The following DOCK5 variants were observed in gnomAD, a reference collection of about 807,000 sequenced individuals.
The protein encoded by DOCK5 is dedicator of cytokinesis protein 5.
DOCK5 carries 142 observed loss-of-function variants against 251.8 expected under a neutral mutation model. The observed-to-expected ratio is 0.56, with a 90% CI of 0.49 to 0.65. The LOEUF is 0.65. Ranked by LOEUF, DOCK5 falls within the 30% of genes least tolerant of loss-of-function variation. DOCK5 has a pLI of 0.00. For missense variants in DOCK5, 2,111 were observed against 2,312.3 expected (o/e 0.91, Z 1.79); for synonymous variants, 842 against 835.5 (o/e 1.01, Z -0.13).
rs1404904749 is a variant in DOCK5 at position 25,368,597 on chromosome 8, T to C, written c.3310T>C (p.Ser1104Pro). The C allele has an allele frequency of 1.2e-6, 2 of 1,611,522 alleles. No individual in the cohort carries two copies. The highest frequency in any genetic ancestry group is 1.7e-6 in the Non-Finnish European group (2 of 1,179,216). Residue 1104 changes from serine to proline, a missense_variant, in exon 33 of 52, where the codon TCC becomes CCC. Physicochemically the swap from Ser to Pro is moderately conservative, Grantham distance 74 (BLOSUM62 -1). This residue lies in a region of DOCK5 where 1,717 missense variants were observed against 1,892.4 expected (regional missense o/e 0.91). Transcript: ENST00000276440. The stretch of plus-strand genomic sequence containing the variant: ...TCCCCACAAAATCAAATTCATCCCA[T>C]CCATGGTGGGTCCCATTCTGGAGGT... ...LGPHKIKFIP[S>P]MVGPILEVTL... is the part of the protein sequence containing the mutation.
chr8:25,363,374 G>A (rs759609665), intron 29 of DOCK5, among the ~76,000 whole-genome samples: 98 of 152,278 alleles, frequency 6.4e-4, no homozygotes, highest in Non-Finnish European at 1.1e-3. Context: ...TCTCTTCAGT[G>A]CTCTCATGGT....
At chr8:25,320,232 G>A (rs998692013) in intron 15 of DOCK5, among the ~76,000 whole-genome samples, 12 of 152,032 alleles carry the variant, frequency 7.9e-5, no homozygotes, top group African/African-American at 2.4e-4. Flanking sequence ...TCTGAATCCC[G>A]GGCTCCATCA....
intron 6 of DOCK5, among the ~76,000 whole-genome samples, chr8:25,292,376 T>G (rs1217461629): frequency 2.0e-5 from 3 of 152,146 alleles, no homozygotes; most frequent in Admixed American, 6.6e-5. Flanking sequence ...GTTGGATCTC[T>G]GATCCCATGG....
intron 20 of DOCK5, 78 bp downstream of exon 20, chr8:25,332,770 G>A: frequency 9.6e-7 from 1 of 1,045,962 alleles, no homozygotes; most frequent in Non-Finnish European, 1.4e-6. Flanking sequence ...ATAAGTGATT[G>A]TGTGAATATC....
At chr8:25,380,942 G>C (rs965034445) in intron 39 of DOCK5, among the ~76,000 whole-genome samples, 3 of 151,600 alleles carry the variant, frequency 2.0e-5, no homozygotes, top group African/African-American at 7.3e-5. Context: ...GCCCAGTGGA[G>C]GAGGCAGCCA....
chr8:25,276,887 C>G (rs1016431094), intron 4 of DOCK5: 1 of 152,158 alleles, frequency 6.6e-6, no homozygotes, highest in African/African-American at 2.4e-5. Context: ...GGTTCCCAGG[C>G]AAGTATGTGC....
rs2117333748 is a variant in DOCK5 at position 25,400,121 on chromosome 8, C to T, written c.4788+127C>T. 8.6e-6 allele frequency: 6 copies of T among 699,732 alleles called. 1 individual carries two copies. The South Asian group carries it at 9.3e-5, about 11-fold the overall frequency. The allele number at this position is 699,732 out of a possible 1,614,324, so 43.3% of individuals were successfully genotyped here. On this transcript the variant is annotated intron_variant, in intron 46 of 51. Transcript: ENST00000276440. ...TTTCTTTTTTTAACCCTTGTGAAAG[C>T]ACCACCTATCTATGTATTTGTTTGC...
At chr8:25,225,775 G>T (rs542540277) in intron 1 of DOCK5, among the ~76,000 whole-genome samples, 1 of 151,810 alleles carries the variant, frequency 6.6e-6, no homozygotes, top group African/African-American at 2.4e-5. Context: ...GTTATGCTAA[G>T]TGAAATAAGC....
At chr8:25,302,560 C>T (rs1295575846) in intron 10 of DOCK5, 106 bp downstream of exon 10, 7 of 1,379,266 alleles carry the variant, frequency 5.1e-6, no homozygotes, top group Non-Finnish European at 6.7e-6. Context: ...GATCCAGCTG[C>T]CCTGCTTCAA....
rs568875029 is a variant in DOCK5 at position 25,272,174 on chromosome 8, A to C, written c.169-3212A>C. ...CTCCCGTGTAGCTGGGACCATTGGC[A>C]TGTGCCACCATGCTGTGCTAATTTT... is the stretch of plus-strand genomic sequence containing the variant. On this transcript the variant is annotated intron_variant, in intron 3 of 51. Coordinates refer to ENST00000276440, the MANE Select transcript of DOCK5 (RefSeq NM_024940.8). Among the ~76,000 whole-genome samples, 21 of 152,214 alleles carry C rather than the reference A, an allele frequency of 1.4e-4. No individual in the cohort carries two copies. In the South Asian group the frequency reaches 4.4e-3, roughly 32 times the overall value.
intron 1 of DOCK5, among the ~76,000 whole-genome samples, chr8:25,221,919 C>T (rs764645036): frequency 6.6e-6 from 1 of 152,162 alleles, no homozygotes; most frequent in Non-Finnish European, 1.5e-5. Flanking sequence ...ATCATATCAG[C>T]TCCCCACTGC....
chr8:25,308,732 G>A, intron 11 of DOCK5, 51 bp from the exon 12 acceptor site: 2 of 1,601,670 alleles, frequency 1.2e-6, no homozygotes, highest in South Asian at 2.2e-5. Flanking sequence ...TTGTGCTGCA[G>A]AGACTTCCTT....
At chr8:25,391,011 G>A (rs1479939765) in intron 42 of DOCK5, among the ~76,000 whole-genome samples, 2 of 151,858 alleles carry the variant, frequency 1.3e-5, no homozygotes, top group African/African-American at 2.4e-5. Flanking sequence ...GTTTCACCGT[G>A]TTGCCCAGGC....
intron 1 of DOCK5, among the ~76,000 whole-genome samples, chr8:25,196,720 A>G (rs575770881): frequency 8.9e-4 from 135 of 152,190 alleles, no homozygotes; most frequent in Non-Finnish European, 1.5e-3. Context: ...CCATAAAGCA[A>G]AGTTTTTCTA....
intron 51 of DOCK5, among the ~76,000 whole-genome samples, chr8:25,410,803 T>C (rs191967454): frequency 5.9e-4 from 90 of 151,710 alleles, no homozygotes; most frequent in Admixed American, 2.2e-3. Flanking sequence ...TTACTTCTTC[T>C]GAATAAAGGA....
intron 2 of DOCK5, among the ~76,000 whole-genome samples, chr8:25,265,279 G>C (rs1803710500): frequency 6.6e-6 from 1 of 151,930 alleles, no homozygotes; most frequent in Admixed American, 6.5e-5. Flanking sequence ...GGGTCTCACG[G>C]GTGCCCAGGG....
chr8:25,312,503 C>T (rs764181539), intron 13 of DOCK5, among the ~76,000 whole-genome samples: 7 of 152,252 alleles, frequency 4.6e-5, no homozygotes, highest in African/African-American at 1.7e-4. Flanking sequence ...TGGCTCACAT[C>T]GGTAATCCCA....
At chr8:25,369,798 C>T (rs1192601544) in intron 34 of DOCK5, among the ~76,000 whole-genome samples, 157 bp downstream of exon 34, 1 of 152,114 alleles carries the variant, frequency 6.6e-6, no homozygotes, top group African/African-American at 2.4e-5. Flanking sequence ...TGTATACTGT[C>T]CACAGCTGAC....
intron 1 of DOCK5, among the ~76,000 whole-genome samples, chr8:25,233,860 C>G (rs557253204): frequency 5.9e-4 from 90 of 152,276 alleles, no homozygotes; most frequent in African/African-American, 2.1e-3. Flanking sequence ...GTGAAATAAT[C>G]ACATCAGGTC....
Sources: gnomAD v4.1 joint callset for allele counts (sites outside exome capture counted in the v4.1 genomes callset) on GRCh38, gnomAD v4.1.1 for gene constraint, gnomAD v4.1.1 regional missense constraint, MANE v1.5 for transcripts, NCBI Gene and HGNC (gene_info 2026-07-23, HGNC 2026-07-21) for gene names.